SDK1: variants seen among roughly 807,000 people sequenced by gnomAD.
SDK1 encodes protein sidekick-1.
SDK1 carries 157 observed loss-of-function variants against 245.5 expected under a neutral mutation model. The observed-to-expected ratio is 0.64, with a 90% CI of 0.56 to 0.73. The LOEUF (loss-of-function observed/expected upper bound fraction) is 0.73, where lower values mean the gene tolerates loss of function less well. Among genes scored for constraint, SDK1 ranks in the 30% least tolerant of loss-of-function variants. The probability of loss-of-function intolerance (pLI) is 0.00; values close to 1 mark genes in which losing one functional copy is unlikely to be tolerated. For missense variants in SDK1, 3,583 were observed against 3,002.3 expected, an observed-to-expected ratio of 1.19 and a Z score of -4.52; for synonymous variants, 1,647 against 1,278.5, an observed-to-expected ratio of 1.29 and a Z score of -6.15.
chr7:3,719,488 C>A (rs1038037712), intron 4 of SDK1, among the ~76,000 whole-genome samples: 1 of 152,042 alleles, frequency 6.6e-6, no homozygotes, highest in African/African-American at 2.4e-5. Flanking sequence ...GAAACAGACC[C>A]ACACGAATAT....
intron 1 of SDK1, among the ~76,000 whole-genome samples, chr7:3,455,081 G>C (rs998574426): frequency 2.0e-5 from 3 of 151,372 alleles, no homozygotes; most frequent in Non-Finnish European, 4.4e-5. Flanking sequence ...ATGGCTACTG[G>C]TGTTGGATAT....
chr7:3,983,172 A>G (rs575048381), intron 13 of SDK1, among the ~76,000 whole-genome samples: 2 of 152,348 alleles, frequency 1.3e-5, no homozygotes, highest in Admixed American at 1.3e-4. Flanking sequence ...ACAAGGCCTT[A>G]GAATATTGCA....
At chr7:4,068,147 G>T (rs1236321244) in intron 20 of SDK1, among the ~76,000 whole-genome samples, 1 of 152,196 alleles carries the variant, frequency 6.6e-6, no homozygotes, top group Non-Finnish European at 1.5e-5. Context: ...TTTACTGTGT[G>T]GGCAGCAGCC....
At chr7:3,396,080 G>T (rs1359477418) in intron 1 of SDK1, among the ~76,000 whole-genome samples, 2 of 151,562 alleles carry the variant, frequency 1.3e-5, no homozygotes, top group Non-Finnish European at 3.0e-5. Flanking sequence ...TTTAATATAG[G>T]AATGTTAACA....
chr7:3,552,101 C>T (rs915074213), intron 1 of SDK1, among the ~76,000 whole-genome samples: 5 of 151,806 alleles, frequency 3.3e-5, no homozygotes, highest in African/African-American at 4.8e-5. Context: ...TGCGGTGGCG[C>T]AATCTTGGCT....
intron 4 of SDK1, among the ~76,000 whole-genome samples, chr7:3,644,786 A>AAC (rs1554301826): frequency 1.4e-5 from 2 of 141,082 alleles, no homozygotes; most frequent in African/African-American, 5.2e-5. Context: ...AAAAAAAAAA[A>AAC]AAAAAACAAA....
At chr7:3,827,039 C>A (rs1014577880) in intron 5 of SDK1, among the ~76,000 whole-genome samples, 30 of 152,172 alleles carry the variant, frequency 2.0e-4, no homozygotes, top group African/African-American at 7.0e-4. Context: ...CTCTTTCCAT[C>A]CCAAGGTGTC....
chr7:3,878,292 G>A (rs916330224), intron 5 of SDK1, among the ~76,000 whole-genome samples: 2 of 152,140 alleles, frequency 1.3e-5, no homozygotes, highest in Non-Finnish European at 2.9e-5. Flanking sequence ...AGGCCGAGAC[G>A]GGTGGATCAC....
At chr7:3,557,768 T>G (rs944585492) in intron 1 of SDK1, among the ~76,000 whole-genome samples, 8 of 152,082 alleles carry the variant, frequency 5.3e-5, no homozygotes, top group Non-Finnish European at 1.2e-4. Context: ...AATTTTCGAT[T>G]AAAAAAAGCT....
chr7:3,368,234 G>A (rs1781139669), intron 1 of SDK1, among the ~76,000 whole-genome samples: 1 of 152,158 alleles, frequency 6.6e-6, no homozygotes, highest in African/African-American at 2.4e-5. Context: ...TTAATTTCTA[G>A]GTGTTACAAA....
intron 1 of SDK1, among the ~76,000 whole-genome samples, chr7:3,481,160 T>C (rs201750133): frequency 6.6e-6 from 1 of 150,590 alleles, no homozygotes; most frequent in Non-Finnish European, 1.5e-5. Context: ...ACTTAAAAAA[T>C]TTTAAGAGGC....
At chr7:4,239,478 A>G (rs543983035) in intron 42 of SDK1, among the ~76,000 whole-genome samples, 39 of 152,322 alleles carry the variant, frequency 2.6e-4, no homozygotes, top group Middle Eastern at 3.4e-3. Flanking sequence ...ATAATTATCA[A>G]TGAGACCACT....
chr7:3,654,536 G>C (rs754829345), intron 4 of SDK1, among the ~76,000 whole-genome samples: 9 of 150,992 alleles, frequency 6.0e-5, no homozygotes, highest in Non-Finnish European at 1.0e-4. Context: ...GTTGCCCACA[G>C]TAAGTTTGAC....
chr7:4,124,934 GGATA>G (rs1198865955), intron 25 of SDK1, among the ~76,000 whole-genome samples: 23 of 148,878 alleles, frequency 1.5e-4, no homozygotes, highest in East Asian at 3.9e-4. Flanking sequence ...GTAGATGGAT[GGATA>G]GATGGATGGA....
rs7784255 is a variant in SDK1 at position 3,426,999 on chromosome 7, C to A, written c.298+125115C>A. Among the ~76,000 whole-genome samples the A allele has an allele frequency of 1.1e-3, 160 of 152,322 alleles. 1 individual carries two copies. Among genetic ancestry groups the A allele is most frequent in the African/African-American group, 3.2e-3 (133 of 41,564 alleles). On this transcript the variant is annotated intron_variant, in intron 1 of 44. Transcript: ENST00000404826. ...AGATACTTTATGAACATCATATATT[C>A]TAATTCTTACTATACCTTTCCAAAA...
chr7:3,372,437 T>C (rs1391895412), intron 1 of SDK1, among the ~76,000 whole-genome samples: 4 of 152,152 alleles, frequency 2.6e-5, no homozygotes, highest in African/African-American at 9.7e-5. Flanking sequence ...AAAAGGAAAA[T>C]GATAAATTGA....
intron 4 of SDK1, among the ~76,000 whole-genome samples, chr7:3,644,799 A>AC (rs1782774930): frequency 6.7e-6 from 1 of 148,164 alleles, no homozygotes; most frequent in African/African-American, 2.5e-5. Context: ...AAAACAAAAA[A>AC]CAACAACAAC....
At chr7:4,042,878 C>G (rs563275202) in intron 17 of SDK1, among the ~76,000 whole-genome samples, 132 of 152,226 alleles carry the variant, frequency 8.7e-4, no homozygotes, top group Non-Finnish European at 1.5e-3. Context: ...TTTTTAATTC[C>G]ATTGTCCACA....
intron 19 of SDK1, among the ~76,000 whole-genome samples, chr7:4,053,510 A>G (rs1779015037): frequency 6.6e-6 from 1 of 152,090 alleles, no homozygotes; most frequent in Non-Finnish European, 1.5e-5. Context: ...AAATATGTTC[A>G]GGTCTCCCTC....
Sources: gnomAD v4.1 joint callset for allele counts (sites outside exome capture counted in the v4.1 genomes callset) on GRCh38, gnomAD v4.1.1 for gene constraint, MANE v1.5 for transcripts, NCBI Gene and HGNC (gene_info 2026-07-23, HGNC 2026-07-21) for gene names.